ZNF845: variants seen among roughly 807,000 people sequenced by gnomAD.
ZNF845 encodes zinc finger protein 845.
In ZNF845, 59 loss-of-function variants were observed where a neutral mutation model predicts 76.1. That is an observed-to-expected ratio of 0.78 (90% CI 0.63 to 0.96). The LOEUF (loss-of-function observed/expected upper bound fraction) is 0.96, where lower values mean the gene tolerates loss of function less well. Among genes scored for constraint, ZNF845 ranks in the 40% least tolerant of loss-of-function variants. The pLI is 0.00. For synonymous variants in ZNF845, 361 were observed against 386.9 expected, an observed-to-expected ratio of 0.93 and a Z score of 0.78; for missense variants, 1,045 against 1,172.8, an observed-to-expected ratio of 0.89 and a Z score of 1.59.
rs779922397 is a variant in ZNF845 at position 53,352,758 on chromosome 19, G to A, written c.2083G>A (p.Glu695Lys). ...HTGEKPYKCN[E>K]CGKTFGRNSA... ...TGGAGAGAAACCTTACAAGTGTAAT[G>A]AGTGTGGCAAGACCTTCGGTCGAAA... The change falls in exon 4 of 4, where the codon GAG becomes AAG. Residue 695 changes from glutamate (E) to lysine (K), a missense_variant. Glu to Lys is a moderately conservative substitution (Grantham distance 56, BLOSUM62 1). Transcript: ENST00000458035. 6.2e-7 allele frequency: 1 copy of A among 1,614,158 alleles called. No homozygotes were observed. Among genetic ancestry groups the A allele is most frequent in the Admixed American group, 1.7e-5 (1 of 60,026 alleles).
chr19:53,340,687 A>C (rs1193266551), intron 1 of ZNF845: 1 of 253,874 alleles, frequency 3.9e-6, no homozygotes, highest in Non-Finnish European at 7.4e-6. Flanking sequence ...CAATGGGTGA[A>C]GAAATTCATC....
intron 1 of ZNF845, chr19:53,337,233 T>C (rs1277992066): frequency 2.2e-6 from 1 of 452,114 alleles, no homozygotes; most frequent in East Asian, 6.9e-5. Context: ...ATCACGGCCC[T>C]GTGCCTTTCT....
rs368740048 is a variant in ZNF845 at position 53,351,443 on chromosome 19, A to T, written c.768A>T (p.Arg256=). The T allele has an allele frequency of 6.2e-7, 1 of 1,614,222 alleles. No individual in the cohort carries two copies. The highest frequency in any genetic ancestry group is 8.5e-7 in the Non-Finnish European group (1 of 1,180,034). The change falls in exon 4 of 4, where the codon CGA becomes CGT. Residue 256 remains arginine, a synonymous_variant. Transcript: ENST00000458035. ...GTGGCAAGGTCTTTAATCAAAAGCG[A>T]TATCTTGCATGTCATCGTAGATGTC... is the stretch of plus-strand genomic sequence containing the variant. ...DVCGKVFNQK[R]YLACHRRCHT... is the part of the protein sequence containing the mutation.
At chr19:53,342,715 G>T (rs114705825) in intron 2 of ZNF845, among the ~76,000 whole-genome samples, 4,991 of 152,160 alleles carry the variant, frequency 0.033, 293 homozygotes, top group African/African-American at 0.11. Flanking sequence ...GGTTTGGGGC[G>T]CCATGTTCAG....
At chr19:53,344,288 T>C (rs1305765362) in intron 2 of ZNF845, among the ~76,000 whole-genome samples, 3 of 152,164 alleles carry the variant, frequency 2.0e-5, no homozygotes, top group African/African-American at 4.8e-5. Context: ...CCTGTAATCC[T>C]AGCACTTTGA....
Position 53,351,233 on chromosome 19 carries a change from C to T in ZNF845, c.558C>T (p.Thr186=). ...AAAGAATTTCTTGTAGGCCTAAAAC[C>T]CACATTTCTAAGAACTATGGGAATA... ...TSQRISCRPK[T]HISKNYGNNF... Residue 186 remains threonine (T), a synonymous_variant, in exon 4 of 4, where the codon ACC becomes ACT. Transcript: ENST00000458035. The T allele has an allele frequency of 6.2e-7, 1 of 1,614,158 alleles. No homozygotes were observed.
chr19:53,338,744 A>G (rs533419061), intron 1 of ZNF845, among the ~76,000 whole-genome samples: 2 of 151,636 alleles, frequency 1.3e-5, no homozygotes, highest in Non-Finnish European at 2.9e-5. Flanking sequence ...TCCCACACAC[A>G]CAGTCACAAG....
At position 53,353,977 on chromosome 19, in the gene ZNF845, G is replaced by T; in HGVS notation, c.*389G>T. 1 of 503,110 alleles carries T rather than the reference G, an allele frequency of 2.0e-6. No individual in the cohort carries two copies. Among genetic ancestry groups the T allele is most frequent in the Non-Finnish European group, 3.5e-6 (1 of 283,010 alleles). 31.2% of individuals were successfully genotyped at this position (503,110 alleles called of 1,614,324 possible). On this transcript the variant is annotated 3_prime_UTR_variant, in exon 4 of 4. Transcript: ENST00000458035. ...ATTGTTCATACCTTGCAGTTCATCG[G>T]TGAACTCATGCTGGAGAGAAACCTT...
rs540820796 is a variant in ZNF845, at chr19:53,346,368, C to T, written c.142+736C>T. ...TGCCGTATGTGATCTTGGCTCACCGCAGCCGGCTTCGCTCTCGTGCTCAAA... is the reference window on the plus strand; with the variant it reads ...TGCCGTATGTGATCTTGGCTCACCGTAGCCGGCTTCGCTCTCGTGCTCAAA... On this transcript the variant is annotated intron_variant, in intron 3 of 3. Coordinates refer to ENST00000458035, the MANE Select transcript of ZNF845 (RefSeq NM_138374.3). 139 of 282,918 alleles carry T rather than the reference C, an allele frequency of 4.9e-4. 1 individual carries two copies. The highest frequency in any genetic ancestry group is 9.9e-4 in the South Asian group (56 of 56,790). 17.5% of individuals were successfully genotyped at this position (282,918 alleles called of 1,614,324 possible).
intron 1 of ZNF845, among the ~76,000 whole-genome samples, chr19:53,338,072 T>C (rs2085228617): frequency 6.6e-6 from 1 of 152,076 alleles, no homozygotes; most frequent in Admixed American, 6.6e-5. Context: ...ACAGTTCCCA[T>C]CTTGGCCACA....
At chr19:53,337,657 C>A (rs2085225160) in intron 1 of ZNF845, among the ~76,000 whole-genome samples, 1 of 152,132 alleles carries the variant, frequency 6.6e-6, no homozygotes, top group East Asian at 1.9e-4. Flanking sequence ...CAACCTCCTC[C>A]TCCCGGGTTA....
chr19:53,343,422 A>G (rs1364596982), intron 2 of ZNF845, among the ~76,000 whole-genome samples: 1 of 152,192 alleles, frequency 6.6e-6, no homozygotes. Context: ...AGATTCCTCC[A>G]GGTCAGGCGG....
In ZNF845 at chr19:53,353,393, T is replaced by C. The variant is rs761838734; in HGVS notation, c.2718T>C (p.His906=). The change falls in exon 4 of 4, where the codon CAT becomes CAC. Residue 906 remains histidine (H), a synonymous_variant. Transcript: ENST00000458035. ...FNQQAHLACH[H]RIHTGEKPYK... is the part of the protein sequence containing the mutation. ...AACAAGCACACCTTGCATGTCATCA[T>C]AGAATTCATACTGGAGAGAAACCTT... 1.6e-5 allele frequency: 25 copies of C among 1,611,510 alleles called. No homozygotes were observed. In the East Asian group the frequency reaches 5.6e-4, roughly 36 times the overall value.
At chr19:53,340,835 T>C in intron 1 of ZNF845, 1 of 363,732 alleles carries the variant, frequency 2.7e-6, no homozygotes, top group Non-Finnish European at 4.9e-6. Flanking sequence ...CATGCAGGCG[T>C]CTTTCCTGTT....
chr19:53,338,724 A>ACG (rs1336217913), intron 1 of ZNF845, among the ~76,000 whole-genome samples: 12 of 100,994 alleles, frequency 1.2e-4, no homozygotes, highest in Non-Finnish European at 2.4e-4. Context: ...ACACACACGC[A>ACG]CACACACACT....
At chr19:53,338,718 A>G (rs987885362) in intron 1 of ZNF845, among the ~76,000 whole-genome samples, 2 of 100,016 alleles carry the variant, frequency 2.0e-5, no homozygotes, top group African/African-American at 4.1e-5. Flanking sequence ...ACACACACAC[A>G]CACGCACACA....
At chr19:53,343,115 A>ATCTG (rs2085268776) in intron 2 of ZNF845, among the ~76,000 whole-genome samples, 2 of 151,934 alleles carry the variant, frequency 1.3e-5, no homozygotes, top group Non-Finnish European at 2.9e-5. Flanking sequence ...CACCGCGCCC[A>ATCTG]GCCCCCAATA....
intron 2 of ZNF845, among the ~76,000 whole-genome samples, chr19:53,342,921 C>G (rs907683621): frequency 6.6e-6 from 1 of 152,016 alleles, no homozygotes; most frequent in African/African-American, 2.4e-5. Flanking sequence ...CAGGTTCAGG[C>G]GATTCTCCTG....
intron 3 of ZNF845, among the ~76,000 whole-genome samples, chr19:53,347,926 A>G (rs2085307990): frequency 6.6e-6 from 1 of 152,178 alleles, no homozygotes; most frequent in African/African-American, 2.4e-5. Context: ...CCACAGACTC[A>G]CGCCTGTAAT....
Sources: gnomAD v4.1 joint callset for allele counts (sites outside exome capture counted in the v4.1 genomes callset) on GRCh38, gnomAD v4.1.1 for gene constraint, MANE v1.5 for transcripts, NCBI Gene and HGNC (gene_info 2026-07-23, HGNC 2026-07-21) for gene names.